STX8: variants seen among roughly 807,000 people sequenced by gnomAD.
STX8 encodes syntaxin-8.
Under a neutral mutation model 37.5 loss-of-function variants are expected in STX8, and 23 were observed. The ratio of observed to expected loss-of-function variants is 0.61; its 90% CI spans 0.44 to 0.87. STX8 has a LOEUF of 0.87. Among genes scored for constraint, STX8 ranks in the 40% least tolerant of loss-of-function variants. STX8 has a pLI of 0.00. For synonymous variants in STX8, 115 were observed against 99.1 expected (o/e 1.16, Z -0.95); for missense variants, 313 against 284.7 (o/e 1.10, Z -0.71).
intron 7 of STX8, among the ~76,000 whole-genome samples, chr17:9,306,198 T>C (rs1908978209): frequency 6.6e-6 from 1 of 152,208 alleles, no homozygotes; most frequent in South Asian, 2.1e-4. Context: ...CCATACCATA[T>C]AGCCAAAGTG....
intron 4 of STX8, among the ~76,000 whole-genome samples, chr17:9,505,786 A>C (rs1364930425): frequency 6.6e-6 from 1 of 151,866 alleles, no homozygotes; most frequent in African/African-American, 2.4e-5. Context: ...AATAAACACA[A>C]AAAAAATTAG....
At chr17:9,289,855 G>A (rs915579241) in intron 7 of STX8, among the ~76,000 whole-genome samples, 1 of 152,122 alleles carries the variant, frequency 6.6e-6, no homozygotes, top group Non-Finnish European at 1.5e-5. Context: ...AATATTGCAT[G>A]AGAAAGGAGA....
At chr17:9,478,137 G>GT (rs1458447704) in intron 6 of STX8, among the ~76,000 whole-genome samples, 2 of 151,940 alleles carry the variant, frequency 1.3e-5, no homozygotes, top group East Asian at 1.9e-4. Context: ...TATGAGAACA[G>GT]TTTTTTTTAT....
intron 7 of STX8, among the ~76,000 whole-genome samples, chr17:9,290,716 A>G (rs1453864381): frequency 6.6e-6 from 1 of 152,196 alleles, no homozygotes; most frequent in Non-Finnish European, 1.5e-5. Context: ...TATTATGACC[A>G]AGTAATTTAG....
intron 6 of STX8, chr17:9,467,557 C>G (rs181866702): frequency 1.3e-5 from 2 of 152,194 alleles, no homozygotes; most frequent in Non-Finnish European, 2.9e-5. Flanking sequence ...GAGAGAAGAG[C>G]ATCCTGGAGA....
At chr17:9,527,708 A>G (rs1905633621) in intron 4 of STX8, among the ~76,000 whole-genome samples, 1 of 152,172 alleles carries the variant, frequency 6.6e-6, no homozygotes, top group Non-Finnish European at 1.5e-5. Context: ...ACAAAACAAA[A>G]TCCATCAAGT....
intron 3 of STX8, among the ~76,000 whole-genome samples, chr17:9,550,000 G>C (rs1157655043): frequency 6.6e-6 from 1 of 152,110 alleles, no homozygotes; most frequent in Non-Finnish European, 1.5e-5. Context: ...GAGGCAGGCG[G>C]ATCATGAGGT....
intron 4 of STX8, among the ~76,000 whole-genome samples, chr17:9,519,011 C>A (rs1410398682): frequency 6.6e-6 from 1 of 152,106 alleles, no homozygotes; most frequent in Non-Finnish European, 1.5e-5. Context: ...TGCTCTCCTT[C>A]CTAGCAGGAC....
chr17:9,329,907 G>A (rs558196724), intron 7 of STX8, among the ~76,000 whole-genome samples: 8 of 150,184 alleles, frequency 5.3e-5, no homozygotes, highest in African/African-American at 2.0e-4. Context: ...AGAGGGCTCA[G>A]AGGGCCTAGG....
At chr17:9,327,320 A>G (rs572028884) in intron 7 of STX8, among the ~76,000 whole-genome samples, 2 of 150,366 alleles carry the variant, frequency 1.3e-5, no homozygotes, top group East Asian at 2.0e-4. Context: ...AAGAAGGAAG[A>G]AGGAGAAGAG....
chr17:9,508,007 A>G (rs2142504649), intron 4 of STX8, among the ~76,000 whole-genome samples: 1 of 152,352 alleles, frequency 6.6e-6, no homozygotes, highest in Admixed American at 6.5e-5. Flanking sequence ...ATAGGGATAC[A>G]TCGAACATGA....
intron 2 of STX8, among the ~76,000 whole-genome samples, chr17:9,563,152 C>CATCCATTTATTT (rs1555537847): frequency 7.0e-6 from 1 of 142,012 alleles, no homozygotes; most frequent in East Asian, 2.1e-4. Flanking sequence ...TTCATTCATC[C>CATCCATTTATTT]ATTTATTTAT....
At chr17:9,376,658 G>A (rs1255629415) in intron 7 of STX8, among the ~76,000 whole-genome samples, 2 of 152,326 alleles carry the variant, frequency 1.3e-5, no homozygotes, top group South Asian at 2.1e-4. Context: ...ACCTTTGTGA[G>A]CAGTAACACC....
chr17:9,352,341 T>C (rs1470486406), intron 7 of STX8, among the ~76,000 whole-genome samples: 3 of 152,024 alleles, frequency 2.0e-5, no homozygotes, highest in South Asian at 4.2e-4. Flanking sequence ...CACCCAATAG[T>C]TTTGGCATTG....
At chr17:9,484,145 A>G (rs1906472870) in intron 6 of STX8, among the ~76,000 whole-genome samples, 1 of 152,190 alleles carries the variant, frequency 6.6e-6, no homozygotes, top group Non-Finnish European at 1.5e-5. Flanking sequence ...ACCCTTATTC[A>G]TATTCATTAA....
chr17:9,257,154 G>T (rs1200654837), intron 7 of STX8, among the ~76,000 whole-genome samples: 1 of 151,806 alleles, frequency 6.6e-6, no homozygotes, highest in Non-Finnish European at 1.5e-5. Context: ...TACAAGAGTG[G>T]AAAAAAATGT....
intron 7 of STX8, among the ~76,000 whole-genome samples, chr17:9,285,559 G>A (rs1275080267): frequency 1.3e-5 from 2 of 152,176 alleles, no homozygotes; most frequent in Non-Finnish European, 2.9e-5. Flanking sequence ...CCAGGGTGAA[G>A]CCCAGAACAT....
intron 4 of STX8, among the ~76,000 whole-genome samples, chr17:9,523,339 C>A (rs1905435807): frequency 6.6e-6 from 1 of 150,604 alleles, no homozygotes; most frequent in African/African-American, 2.4e-5. Context: ...TCACACTGTA[C>A]CCCATAAATA....
chr17:9,269,367 ACAC>A (rs1907365857), intron 7 of STX8, among the ~76,000 whole-genome samples: 1 of 152,206 alleles, frequency 6.6e-6, no homozygotes, highest in South Asian at 2.1e-4. Context: ...GACCCTCAAG[ACAC>A]CGTCCTGGAA....
Sources: gnomAD v4.1 joint callset for allele counts (sites outside exome capture counted in the v4.1 genomes callset) on GRCh38, gnomAD v4.1.1 for gene constraint, MANE v1.5 for transcripts, NCBI Gene and HGNC (gene_info 2026-07-23, HGNC 2026-07-21) for gene names.